Variants in GPR141 observed in about 807,000 individuals in gnomAD.
The protein encoded by GPR141 is G protein-coupled receptor 141, also known as probable G protein-coupled receptor 141.
In GPR141, 6 loss-of-function variants were observed where a neutral mutation model predicts 6.8. The ratio of observed to expected loss-of-function variants is 0.88; its 90% CI spans 0.48 to 1.74. The LOEUF (loss-of-function observed/expected upper bound fraction) is 1.74. GPR141 is among the 40% of genes most tolerant of loss of function. The pLI is 0.01. For missense variants in GPR141, 372 were observed against 372.9 expected (o/e 1.00, Z 0.02); for synonymous variants, 140 against 142.3 (o/e 0.98, Z 0.11).
chr7:37,707,920 A>G (rs1344625361), intron 2 of GPR141, among the ~76,000 whole-genome samples: 2 of 152,204 alleles, frequency 1.3e-5, no homozygotes, highest in Non-Finnish European at 1.5e-5. Flanking sequence ...TTTCTGCACA[A>G]TGTGATAAAG....
At chr7:37,725,055 A>G (rs144692278) in intron 2 of GPR141, among the ~76,000 whole-genome samples, 2,114 of 152,222 alleles carry the variant, frequency 0.014, 139 homozygotes, top group Admixed American at 0.1. Context: ...TATAATCTCT[A>G]GGTTTCACTC....
intron 2 of GPR141, among the ~76,000 whole-genome samples, chr7:37,736,825 T>A (rs1812262358): frequency 6.6e-6 from 1 of 152,156 alleles, no homozygotes; most frequent in African/African-American, 2.4e-5. Context: ...GAAGGAAAGT[T>A]ATACCCAATG....
rs375407880 is a variant in GPR141, at chr7:37,741,027, C to T, written c.634C>T (p.Arg212Cys). 5.1e-5 allele frequency: 82 copies of T among 1,614,086 alleles called. No homozygotes were observed. The highest frequency in any genetic ancestry group is 1.3e-4 in the Admixed American group (8 of 60,016). ...FIIMLMVQKL[R>C]HSLLSHQEFW... is the part of the protein sequence containing the mutation. Reference sequence around the variant, plus strand: ...CATTATGTTGATGGTGCAGAAGCTACGCCACTCTTTACTATCCCACCAGGA... The same window carrying T: ...CATTATGTTGATGGTGCAGAAGCTATGCCACTCTTTACTATCCCACCAGGA... The change falls in exon 3 of 3, where the codon CGC becomes TGC. Residue 212 changes from arginine (R) to cysteine (C), a missense_variant. Physicochemically the swap from Arg to Cys is radical, Grantham distance 180. Transcript: ENST00000334425.
intron 2 of GPR141, among the ~76,000 whole-genome samples, chr7:37,718,453 C>G (rs1562780476): frequency 6.6e-6 from 1 of 151,238 alleles, no homozygotes; most frequent in Non-Finnish European, 1.5e-5. Flanking sequence ...GAGTTCGAGG[C>G]TACAGTGAGC....
At chr7:37,725,912 C>T (rs1811604631) in intron 2 of GPR141, among the ~76,000 whole-genome samples, 1 of 151,870 alleles carries the variant, frequency 6.6e-6, no homozygotes, top group African/African-American at 2.4e-5. Flanking sequence ...AATTTGCAAG[C>T]CATACATGCA....
In GPR141 at chr7:37,687,961, T is replaced by A. The variant is rs564604301; in HGVS notation, c.-15+2378T>A. On this transcript the variant is annotated intron_variant, in intron 2 of 2. Transcript: ENST00000334425. ...ATTTTAGATTTTGTGAGCCAAACAA[T>A]CTCTGTTGCAACGATACAACTTACA... Among the ~76,000 whole-genome samples the A allele has an allele frequency of 4.1e-4, 63 of 152,204 alleles. 1 individual carries two copies. Among genetic ancestry groups the A allele is most frequent in the Non-Finnish European group, 5.9e-4 (40 of 68,016 alleles).
intron 2 of GPR141, among the ~76,000 whole-genome samples, chr7:37,735,742 A>G (rs562330736): frequency 6.6e-6 from 1 of 152,332 alleles, no homozygotes; most frequent in African/African-American, 2.4e-5. Context: ...TAATAGAAGT[A>G]TATCTATAAA....
At chr7:37,708,320 A>G (rs984262775) in intron 2 of GPR141, among the ~76,000 whole-genome samples, 4 of 151,126 alleles carry the variant, frequency 2.6e-5, no homozygotes, top group Admixed American at 2.0e-4. Context: ...CAAAAAAAAA[A>G]AAAAAAAAAA....
At chr7:37,718,503 C>T (rs1306302557) in intron 2 of GPR141, among the ~76,000 whole-genome samples, 1 of 142,546 alleles carries the variant, frequency 7.0e-6, no homozygotes, top group Non-Finnish European at 1.5e-5. Context: ...CAAAGTGAGA[C>T]TCTGTCTCGA....
intron 2 of GPR141, among the ~76,000 whole-genome samples, chr7:37,706,766 G>T (rs370223802): frequency 6.6e-6 from 1 of 152,126 alleles, no homozygotes; most frequent in East Asian, 1.9e-4. Context: ...CCATATCATT[G>T]CCTCTCTATA....
At chr7:37,735,558 G>T (rs991587254) in intron 2 of GPR141, among the ~76,000 whole-genome samples, 1 of 152,084 alleles carries the variant, frequency 6.6e-6, no homozygotes, top group Non-Finnish European at 1.5e-5. Context: ...TGCAAACAAG[G>T]CTTGACTCAA....
intron 2 of GPR141, among the ~76,000 whole-genome samples, chr7:37,704,039 A>G (rs1219528337): frequency 6.6e-6 from 1 of 152,040 alleles, no homozygotes; most frequent in Non-Finnish European, 1.5e-5. Context: ...ATACCCAGAA[A>G]CCCTGGGCCA....
chr7:37,735,985 A>T (rs186069297), intron 2 of GPR141, among the ~76,000 whole-genome samples: 22 of 152,180 alleles, frequency 1.4e-4, no homozygotes, highest in Non-Finnish European at 3.2e-4. Flanking sequence ...CAGGCCGGGC[A>T]TGATAGCTCA....
At chr7:37,720,096 G>A (rs1314689774) in intron 2 of GPR141, among the ~76,000 whole-genome samples, 1 of 151,846 alleles carries the variant, frequency 6.6e-6, no homozygotes, top group Non-Finnish European at 1.5e-5. Flanking sequence ...AAAGAAAAGG[G>A]TTCCAGGGTG....
intron 2 of GPR141, among the ~76,000 whole-genome samples, chr7:37,696,150 C>G (rs758375755): frequency 6.6e-6 from 1 of 152,124 alleles, no homozygotes; most frequent in Non-Finnish European, 1.5e-5. Context: ...AAAACAGACT[C>G]TGAATCTTGA....
At chr7:37,686,319 A>G (rs183681915) in intron 2 of GPR141, among the ~76,000 whole-genome samples, 1 of 152,282 alleles carries the variant, frequency 6.6e-6, no homozygotes, top group East Asian at 1.9e-4. Context: ...CTTTCAAAGT[A>G]ATAACATTGA....
chr7:37,735,737 G>T (rs1812202663), intron 2 of GPR141, among the ~76,000 whole-genome samples: 2 of 151,934 alleles, frequency 1.3e-5, no homozygotes, highest in Admixed American at 6.6e-5. Context: ...ACAGATAATA[G>T]AAGTATATCT....
At chr7:37,725,372 G>T (rs184221503) in intron 2 of GPR141, among the ~76,000 whole-genome samples, 1 of 152,124 alleles carries the variant, frequency 6.6e-6, no homozygotes, top group Non-Finnish European at 1.5e-5. Context: ...AGGAATGAGC[G>T]GCCACATCAG....
At chr7:37,718,699 G>T (rs1811168585) in intron 2 of GPR141, among the ~76,000 whole-genome samples, 1 of 152,194 alleles carries the variant, frequency 6.6e-6, no homozygotes, top group African/African-American at 2.4e-5. Flanking sequence ...GGTTGGCAAA[G>T]GAAACAACAT....
Sources: allele counts gnomAD v4.1 joint callset (sites outside exome capture counted in the v4.1 genomes callset), GRCh38; gene constraint gnomAD v4.1.1; transcripts MANE v1.5; gene names NCBI Gene and HGNC (gene_info 2026-07-23, HGNC 2026-07-21).